SCHIP1: variants seen among roughly 807,000 people sequenced by gnomAD.
The protein encoded by SCHIP1 is schwannomin interacting protein 1.
SCHIP1 carries 8 observed loss-of-function variants against 29.7 expected under a neutral mutation model. The ratio of observed to expected loss-of-function variants is 0.27; its 90% confidence interval spans 0.16 to 0.49. The LOEUF is 0.49. Ranked by LOEUF, SCHIP1 falls within the 20% of genes least tolerant of loss-of-function variation. The pLI is 0.99. For synonymous variants in SCHIP1, 76 were observed against 94.9 expected, an observed-to-expected ratio of 0.80 and a Z score of 1.16; for missense variants, 193 against 294.6, an observed-to-expected ratio of 0.66 and a Z score of 2.52.
At chr3:159,870,814 A>G (rs985603881) in intron 2 of SCHIP1, among the ~76,000 whole-genome samples, 12 of 152,038 alleles carry the variant, frequency 7.9e-5, no homozygotes, top group Admixed American at 6.6e-5. Context: ...CTGGCTTAAA[A>G]ATGGATTGGG....
At chr3:159,403,407 CTCGAATTG>C in the SCHIP1 span, among the ~76,000 whole-genome samples, 1 of 152,076 alleles carries the variant, frequency 6.6e-6, no homozygotes, top group East Asian at 1.9e-4. Flanking sequence ...AAAAAACAGT[CTCGAATTG>C]TCAACACCAC....
chr3:159,594,083 C>T, the SCHIP1 span, among the ~76,000 whole-genome samples: 1 of 151,886 alleles, frequency 6.6e-6, no homozygotes, highest in Non-Finnish European at 1.5e-5. Context: ...GGGAAAGGAA[C>T]CTTGACACAT....
the SCHIP1 span, among the ~76,000 whole-genome samples, chr3:159,462,683 G>A: frequency 6.6e-6 from 1 of 152,042 alleles, no homozygotes; most frequent in Non-Finnish European, 1.5e-5. Context: ...CAAACTCCAT[G>A]ATCTGAACTA....
At chr3:159,556,857 T>C in the SCHIP1 span, among the ~76,000 whole-genome samples, 4 of 151,158 alleles carry the variant, frequency 2.6e-5, no homozygotes, top group African/African-American at 9.7e-5. Flanking sequence ...GCATGGCACA[T>C]GTATACATAT....
At chr3:159,422,174 T>A in the SCHIP1 span, among the ~76,000 whole-genome samples, 2 of 152,210 alleles carry the variant, frequency 1.3e-5, no homozygotes, top group Non-Finnish European at 2.9e-5. Context: ...GTTAGTAATA[T>A]GCTAAGCAGA....
At chr3:159,545,004 T>C in the SCHIP1 span, among the ~76,000 whole-genome samples, 16 of 152,124 alleles carry the variant, frequency 1.1e-4, no homozygotes, top group African/African-American at 1.4e-4. Context: ...CCACCTGAAA[T>C]TGGTATTTGT....
the SCHIP1 span, among the ~76,000 whole-genome samples, chr3:159,565,522 T>C: frequency 2.0e-5 from 3 of 152,246 alleles, no homozygotes; most frequent in Non-Finnish European, 2.9e-5. Context: ...GTCAATTCTG[T>C]TTTTCTCTCC....
At chr3:159,491,443 C>T in the SCHIP1 span, among the ~76,000 whole-genome samples, 2 of 152,238 alleles carry the variant, frequency 1.3e-5, no homozygotes, top group Admixed American at 6.5e-5. Context: ...ACAAATGGCA[C>T]ACCAGGAGAT....
chr3:159,721,837 C>T, the SCHIP1 span: 2 of 390,198 alleles, frequency 5.1e-6, no homozygotes, highest in East Asian at 1.4e-4. Flanking sequence ...TTTATTTTAG[C>T]ATTGATGCTG....
the SCHIP1 span, among the ~76,000 whole-genome samples, chr3:159,772,941 A>G: frequency 5.3e-5 from 8 of 151,982 alleles, no homozygotes; most frequent in African/African-American, 1.7e-4. Flanking sequence ...GGATTTCACT[A>G]TGTTGGCCAG....
the SCHIP1 span, among the ~76,000 whole-genome samples, chr3:159,668,185 C>T: frequency 2.0e-4 from 31 of 151,948 alleles, no homozygotes; most frequent in African/African-American, 7.0e-4. Flanking sequence ...CTGGCTAACA[C>T]GGTGAAACCC....
chr3:159,330,376 A>G, the SCHIP1 span, among the ~76,000 whole-genome samples: 1 of 152,202 alleles, frequency 6.6e-6, no homozygotes, highest in Admixed American at 6.5e-5. Context: ...AGGTCCATAA[A>G]AAATATGAGG....
At chr3:159,721,095 A>G in the SCHIP1 span, among the ~76,000 whole-genome samples, 1 of 152,062 alleles carries the variant, frequency 6.6e-6, no homozygotes, top group Non-Finnish European at 1.5e-5. Context: ...AGCTAGACCC[A>G]CTCTAAACAA....
At chr3:159,618,137 C>A in the SCHIP1 span, among the ~76,000 whole-genome samples, 1 of 152,146 alleles carries the variant, frequency 6.6e-6, no homozygotes, top group East Asian at 1.9e-4. Flanking sequence ...TACTTTCCAC[C>A]TTAAATATGG....
At chr3:159,843,001 C>CTTCTTT (rs1744394617) in intron 1 of SCHIP1, among the ~76,000 whole-genome samples, 1 of 63,710 alleles carries the variant, frequency 1.6e-5, no homozygotes, top group African/African-American at 4.7e-5. Context: ...ATATTTCTTT[C>CTTCTTT]TTTTTTTTTT....
intron 5 of SCHIP1, among the ~76,000 whole-genome samples, chr3:159,891,419 A>G (rs985377500): frequency 5.9e-5 from 9 of 151,308 alleles, no homozygotes; most frequent in Admixed American, 5.3e-4. Context: ...GAAGGGAGCG[A>G]GGGAGGGAGG....
the SCHIP1 span, among the ~76,000 whole-genome samples, chr3:159,402,755 C>G: frequency 2.6e-5 from 4 of 151,886 alleles, no homozygotes; most frequent in African/African-American, 7.2e-5. Context: ...CACAGGAAGG[C>G]GAACATCACA....
chr3:159,344,901 T>C, the SCHIP1 span, among the ~76,000 whole-genome samples: 1 of 152,242 alleles, frequency 6.6e-6, no homozygotes, highest in African/African-American at 2.4e-5. Flanking sequence ...AACTCTGTAC[T>C]GTCTTCACAA....
the SCHIP1 span, among the ~76,000 whole-genome samples, chr3:159,506,257 A>G: frequency 6.6e-6 from 1 of 152,206 alleles, no homozygotes; most frequent in Admixed American, 6.5e-5. Flanking sequence ...TTTTGGCTGC[A>G]TAAATGTCTT....
Sources: gnomAD v4.1 joint callset for allele counts (sites outside exome capture counted in the v4.1 genomes callset) on GRCh38, gnomAD v4.1.1 for gene constraint, MANE v1.5 for transcripts, NCBI Gene and HGNC (gene_info 2026-07-23, HGNC 2026-07-21) for gene names.